Variants in CCDC181 observed in about 807,000 individuals in gnomAD.
The protein encoded by CCDC181 is coiled-coil domain containing 181.
In CCDC181, 35 loss-of-function variants were observed where a neutral mutation model predicts 58.7. The observed-to-expected ratio is 0.60, with a 90% CI of 0.46 to 0.79. The LOEUF (loss-of-function observed/expected upper bound fraction) is 0.79. Ranked by LOEUF, CCDC181 falls within the 30% of genes least tolerant of loss-of-function variation. The pLI, the probability that CCDC181 is intolerant of heterozygous loss-of-function variation, is 0.00. For missense variants in CCDC181, 517 were observed against 583.9 expected (o/e 0.89, Z 1.18); for synonymous variants, 183 against 197.5 (o/e 0.93, Z 0.62).
chr1:169,415,347 T>G (rs1656165805), intron 4 of CCDC181, among the ~76,000 whole-genome samples: 1 of 152,194 alleles, frequency 6.6e-6, no homozygotes, highest in Non-Finnish European at 1.5e-5. Context: ...CTGTGCTGCT[T>G]CTTCACCCAA....
intron 2 of CCDC181, among the ~76,000 whole-genome samples, chr1:169,435,123 T>TAA (rs1414425503): frequency 8.6e-5 from 13 of 151,978 alleles, no homozygotes; most frequent in Admixed American, 7.9e-4. Flanking sequence ...TTTACCACAA[T>TAA]AAAAAGTTTT....
At chr1:169,413,669 C>T (rs935854643) in intron 4 of CCDC181, among the ~76,000 whole-genome samples, 2 of 152,102 alleles carry the variant, frequency 1.3e-5, no homozygotes, top group African/African-American at 4.8e-5. Flanking sequence ...CAGTTATATA[C>T]CATGGAATAG....
intron 2 of CCDC181, among the ~76,000 whole-genome samples, chr1:169,441,261 A>G (rs148747463): frequency 4.3e-3 from 654 of 152,300 alleles, no homozygotes; most frequent in African/African-American, 0.015. Context: ...GCTTTATGCT[A>G]TTAAGTTCAT....
intron 4 of CCDC181, among the ~76,000 whole-genome samples, chr1:169,406,993 T>C (rs1655696944): frequency 7.1e-6 from 1 of 140,984 alleles, no homozygotes; most frequent in South Asian, 2.2e-4. Flanking sequence ...CATGAGATAA[T>C]AGCAAGTCTT....
At chr1:169,446,435 T>G (rs573600298) in intron 2 of CCDC181, among the ~76,000 whole-genome samples, 2 of 152,174 alleles carry the variant, frequency 1.3e-5, no homozygotes, top group South Asian at 4.2e-4. Context: ...AAAGCAAGAC[T>G]CTGTCTCAAA....
At chr1:169,424,701 TAGATC>T in intron 2 of CCDC181, 105 bp downstream of exon 2, 1 of 640,172 alleles carries the variant, frequency 1.6e-6, no homozygotes, top group South Asian at 2.2e-5. Flanking sequence ...TTGCCCAATG[TAGATC>T]AAAGAAATTT....
At position 169,407,491 on chromosome 1, in the gene CCDC181, AT is replaced by A. The variant is rs541511520; in HGVS notation, c.1216-10101del. ...GCATGCAGAGGCATACTTAAAAAGT[AT>A]ATAAGAAAATAAAAAGGACTGTTTT... On this transcript the variant is annotated intron_variant, in intron 4 of 5. Transcript: ENST00000367806. 2.4e-3 allele frequency among the ~76,000 whole-genome samples: 372 copies of A among 152,352 alleles called. 2 individuals carry two copies. Among genetic ancestry groups the A allele is most frequent in the African/African-American group, 7.7e-3 (321 of 41,568 alleles).
At chr1:169,458,487 G>A (rs1375643133) in intron 2 of CCDC181, among the ~76,000 whole-genome samples, 1 of 152,120 alleles carries the variant, frequency 6.6e-6, no homozygotes, top group African/African-American at 2.4e-5. Context: ...GGGAAATCTA[G>A]AAGGGTCCTG....
chr1:169,407,662 C>A (rs1394362239), intron 4 of CCDC181, among the ~76,000 whole-genome samples: 1 of 152,084 alleles, frequency 6.6e-6, no homozygotes, highest in African/African-American at 2.4e-5. Context: ...AGGAACAGCT[C>A]CAATCTGCAG....
upstream of CCDC181, among the ~76,000 whole-genome samples, chr1:169,430,718 C>T (rs1443229615): frequency 1.3e-5 from 2 of 151,780 alleles, no homozygotes; most frequent in African/African-American, 4.8e-5. Flanking sequence ...GCAACAAAAG[C>T]AGAGATTTTT....
chr1:169,397,154 T>G (rs969856348), intron 5 of CCDC181, 83 bp downstream of exon 5: 1 of 1,311,678 alleles, frequency 7.6e-7, no homozygotes, highest in African/African-American at 1.5e-5. Flanking sequence ...GAGGGTTTTT[T>G]TTTTCCAATC....
intron 4 of CCDC181, among the ~76,000 whole-genome samples, chr1:169,411,399 G>T (rs974282971): frequency 6.6e-6 from 1 of 152,082 alleles, no homozygotes; most frequent in Non-Finnish European, 1.5e-5. Context: ...GTAATTAATA[G>T]CCTACCAACC....
At chr1:169,434,181 A>T (rs762821144) in intron 2 of CCDC181, among the ~76,000 whole-genome samples, 152 of 152,158 alleles carry the variant, frequency 1.0e-3, no homozygotes, top group Non-Finnish European at 1.9e-3. Context: ...TTGCCAGGAA[A>T]CATATGAAAA....
chr1:169,401,159 A>G (rs1267454931), intron 4 of CCDC181, among the ~76,000 whole-genome samples: 1 of 152,192 alleles, frequency 6.6e-6, no homozygotes, highest in Non-Finnish European at 1.5e-5. Flanking sequence ...GGAAGCTCCA[A>G]CTGGGTGGAG....
chr1:169,450,618 T>C (rs1256688931), intron 2 of CCDC181, among the ~76,000 whole-genome samples: 2 of 152,242 alleles, frequency 1.3e-5, no homozygotes, highest in Non-Finnish European at 2.9e-5. Flanking sequence ...TATAAGAATG[T>C]GCATACAAGT....
At chr1:169,408,763 C>T (rs566538591) in intron 4 of CCDC181, among the ~76,000 whole-genome samples, 138 of 152,282 alleles carry the variant, frequency 9.1e-4, no homozygotes, top group Non-Finnish European at 6.2e-4. Context: ...AGAGGACCTC[C>T]AGCAAACTCC....
chr1:169,416,861 A>G (rs1656237948), intron 4 of CCDC181, among the ~76,000 whole-genome samples: 2 of 152,208 alleles, frequency 1.3e-5, no homozygotes, highest in South Asian at 4.1e-4. Flanking sequence ...CACAAATGGC[A>G]TAATAAACAC....
chr1:169,405,024 CAG>C lies in CCDC181; in HGVS notation c.1216-7635_1216-7634del, dbSNP rs769303478. 1.6e-4 allele frequency among the ~76,000 whole-genome samples: 24 copies of C among 152,256 alleles called. No homozygotes were observed. In the Middle Eastern group the frequency reaches 0.01, roughly 65 times the overall value. On this transcript the variant is annotated intron_variant, in intron 4 of 5. Transcript: ENST00000367806. ...TTCTTATACACCAATAACAGACAAA[CAG>C]AGAGCCAAATCATGAGTGAATTCTC...
intron 2 of CCDC181, among the ~76,000 whole-genome samples, chr1:169,455,600 T>G (rs921394516): frequency 1.3e-5 from 2 of 152,180 alleles, no homozygotes; most frequent in Non-Finnish European, 2.9e-5. Flanking sequence ...CTTTAAGTAA[T>G]TTAAAATATT....
Sources: gnomAD v4.1 joint callset for allele counts (sites outside exome capture counted in the v4.1 genomes callset) on GRCh38, gnomAD v4.1.1 for gene constraint, MANE v1.5 for transcripts, NCBI Gene and HGNC (gene_info 2026-07-23, HGNC 2026-07-21) for gene names.